The following DIAPH3 variants were observed in gnomAD, a reference collection of about 807,000 sequenced individuals.
DIAPH3 encodes the protein protein diaphanous homolog 3.
Under a neutral mutation model 144.3 loss-of-function variants are expected in DIAPH3, and 117 were observed. The observed-to-expected ratio is 0.81, with a 90% CI of 0.70 to 0.95. DIAPH3 has a LOEUF of 0.95. Ranked by LOEUF, DIAPH3 falls within the 40% of genes least tolerant of loss-of-function variation. DIAPH3 has a pLI of 0.00. For synonymous variants in DIAPH3, 519 were observed against 488.9 expected, an observed-to-expected ratio of 1.06 and a Z score of -0.81; for missense variants, 1,421 against 1,412.7, an observed-to-expected ratio of 1.01 and a Z score of -0.09.
chr13:59,771,106 C>G (rs781188776), intron 27 of DIAPH3, among the ~76,000 whole-genome samples: 1 of 151,930 alleles, frequency 6.6e-6, no homozygotes, highest in East Asian at 1.9e-4. Flanking sequence ...ATTTTAGCCC[C>G]AACGTCCAGG....
intron 20 of DIAPH3, among the ~76,000 whole-genome samples, chr13:59,891,387 A>G (rs751301976): frequency 4.6e-5 from 7 of 151,898 alleles, no homozygotes; most frequent in African/African-American, 7.2e-5. Flanking sequence ...TCAACACTAC[A>G]TAGATGGTCT....
chr13:60,014,386 G>T (rs560975707), intron 7 of DIAPH3, among the ~76,000 whole-genome samples: 4 of 151,964 alleles, frequency 2.6e-5, no homozygotes, highest in Admixed American at 6.5e-5. Flanking sequence ...TCAAAGAACC[G>T]TGAATTCAGC....
At chr13:60,069,510 G>C (rs1594575206) in intron 4 of DIAPH3, among the ~76,000 whole-genome samples, 1 of 152,070 alleles carries the variant, frequency 6.6e-6, no homozygotes, top group African/African-American at 2.4e-5. Flanking sequence ...TTTTGGTTTT[G>C]TTGCAATTGC....
At chr13:59,796,698 A>G (rs1340475788) in intron 25 of DIAPH3, among the ~76,000 whole-genome samples, 1 of 152,220 alleles carries the variant, frequency 6.6e-6, no homozygotes, top group Non-Finnish European at 1.5e-5. Flanking sequence ...CAAACATTCT[A>G]AACAGGTAAT....
intron 17 of DIAPH3, among the ~76,000 whole-genome samples, chr13:59,940,084 T>A (rs2048455415): frequency 1.3e-5 from 2 of 152,106 alleles, no homozygotes; most frequent in Non-Finnish European, 2.9e-5. Context: ...CCCACTCCCC[T>A]AAACAATCTT....
At chr13:60,159,469 T>C (rs899531342) in intron 1 of DIAPH3, among the ~76,000 whole-genome samples, 4 of 151,796 alleles carry the variant, frequency 2.6e-5, no homozygotes, top group Admixed American at 2.6e-4. Flanking sequence ...CTACTAAAAA[T>C]ACAAAATTAG....
At chr13:59,762,113 C>T (rs76174981) in intron 27 of DIAPH3, among the ~76,000 whole-genome samples, 2,496 of 125,056 alleles carry the variant, frequency 0.02, 70 homozygotes, top group East Asian at 0.11. Context: ...GGCTGAAGTG[C>T]AGTGGCGCGA....
In DIAPH3 at chr13:60,125,394, A is replaced by ATTTTTTTTTTTT. The variant is rs56267083; in HGVS notation, c.213+7551_213+7562dup. On this transcript the variant is annotated intron_variant, in intron 2 of 27. Transcript: ENST00000400324. ...ATCTGCATACCATCACACCCAGCTA[A>ATTTTTTTTTTTT]TTTTTTTTTTTTTTTTTTTTTTTTT... is the stretch of plus-strand genomic sequence containing the variant. 4.1e-4 allele frequency among the ~76,000 whole-genome samples: 40 copies of ATTTTTTTTTTTT among 97,852 alleles called. 1 individual carries two copies. Among genetic ancestry groups the ATTTTTTTTTTTT allele is most frequent in the East Asian group, 2.1e-3 (5 of 2,386 alleles). The allele number at this position is 97,852 out of a possible 152,430, so 64.2% of individuals were successfully genotyped here. A position where few individuals can be genotyped will look rare whatever the true frequency, so the allele number is the denominator to read the frequency against.
chr13:59,784,524 T>C (rs2038926342), intron 25 of DIAPH3, among the ~76,000 whole-genome samples: 1 of 152,094 alleles, frequency 6.6e-6, no homozygotes, highest in Non-Finnish European at 1.5e-5. Context: ...TATAGGCATG[T>C]GCCACAATGC....
intron 21 of DIAPH3, among the ~76,000 whole-genome samples, chr13:59,873,173 T>C (rs1317844313): frequency 6.6e-6 from 1 of 152,204 alleles, no homozygotes; most frequent in Non-Finnish European, 1.5e-5. Flanking sequence ...AAAATAAGAA[T>C]GGCATTTGTT....
At chr13:59,885,251 T>G (rs2045358658) in intron 20 of DIAPH3, among the ~76,000 whole-genome samples, 1 of 152,038 alleles carries the variant, frequency 6.6e-6, no homozygotes, top group Non-Finnish European at 1.5e-5. Context: ...TCATATCTCT[T>G]GAATTAAAAA....
chr13:59,883,296 G>GA (rs1255729111), intron 20 of DIAPH3, among the ~76,000 whole-genome samples: 2 of 151,878 alleles, frequency 1.3e-5, no homozygotes, highest in Admixed American at 1.3e-4. Flanking sequence ...ATTCTATAAG[G>GA]AAAAAAATCA....
Position 60,087,111 on chromosome 13 carries a change from T to C in DIAPH3, c.495+6517A>G, listed in dbSNP as rs558435913. Among the ~76,000 whole-genome samples, 7 of 152,288 alleles carry C rather than the reference T, an allele frequency of 4.6e-5. No homozygotes were observed. In the South Asian group the frequency reaches 1.2e-3, roughly 27 times the overall value. ...AATAGTCATTATATTGTTTAGGGAATAACAAGAAAAGAAAGCTGTGCATGT... is the reference window on the plus strand; with the variant it reads ...AATAGTCATTATATTGTTTAGGGAACAACAAGAAAAGAAAGCTGTGCATGT... On this transcript the variant is annotated intron_variant, in intron 4 of 27. Coordinates refer to ENST00000400324, the MANE Select transcript of DIAPH3 (RefSeq NM_001042517.2).
At chr13:60,142,468 A>C (rs1363381654) in intron 1 of DIAPH3, among the ~76,000 whole-genome samples, 1 of 152,180 alleles carries the variant, frequency 6.6e-6, no homozygotes, top group African/African-American at 2.4e-5. Context: ...ATGTCTAGAG[A>C]AAAAACAGTA....
At chr13:60,030,913 C>G (rs2054741460) in intron 5 of DIAPH3, among the ~76,000 whole-genome samples, 2 of 152,300 alleles carry the variant, frequency 1.3e-5, no homozygotes, top group Middle Eastern at 3.4e-3. Context: ...GGCTTCTGTT[C>G]AAATGCGCTA....
intron 23 of DIAPH3, chr13:59,838,061 A>C (rs928880605): frequency 6.6e-6 from 1 of 152,156 alleles, no homozygotes; most frequent in African/African-American, 2.4e-5. Context: ...AAAGAGGAAA[A>C]ATAGTCATTT....
At chr13:60,033,469 T>G (rs2054960954) in intron 5 of DIAPH3, among the ~76,000 whole-genome samples, 1 of 152,206 alleles carries the variant, frequency 6.6e-6, no homozygotes, top group Non-Finnish European at 1.5e-5. Context: ...GACACCAGCA[T>G]CTGCTTGCCT....
chr13:59,898,134 C>CAAAAAAAAAAAAAAAAAAAAAAAAAAAAA (rs34238599), intron 20 of DIAPH3, among the ~76,000 whole-genome samples: 10 of 72,188 alleles, frequency 1.4e-4, no homozygotes, highest in Admixed American at 2.0e-4. Flanking sequence ...GACTCTGCCT[C>CAAAAAAAAAAAAAAAAAAAAAAAAAAAAA]AAAAAAAAAA....
chr13:59,689,914 A>G (rs1022615669), intron 27 of DIAPH3, among the ~76,000 whole-genome samples: 2 of 152,032 alleles, frequency 1.3e-5, no homozygotes, highest in Admixed American at 6.6e-5. Flanking sequence ...TTATGCTATG[A>G]AAGTTGCTAC....
Sources: allele counts gnomAD v4.1 joint callset (sites outside exome capture counted in the v4.1 genomes callset), GRCh38; gene constraint gnomAD v4.1.1; transcripts MANE v1.5; gene names NCBI Gene and HGNC (gene_info 2026-07-23, HGNC 2026-07-21).